AIRE: variants seen among roughly 807,000 people sequenced by gnomAD.
AIRE encodes autoimmune regulator.
Under a neutral mutation model 62.1 loss-of-function variants are expected in AIRE, and 52 were observed. The ratio of observed to expected loss-of-function variants is 0.84; its 90% CI spans 0.67 to 1.06. The LOEUF (loss-of-function observed/expected upper bound fraction) is 1.06, where lower values mean the gene tolerates loss of function less well. Ranked by LOEUF, AIRE falls within the 50% of genes least tolerant of loss-of-function variation. The pLI, the probability that AIRE is intolerant of heterozygous loss-of-function variation, is 0.00. For missense variants in AIRE, 774 were observed against 755.8 expected, an observed-to-expected ratio of 1.02 and a Z score of -0.28; for synonymous variants, 342 against 321.6, an observed-to-expected ratio of 1.06 and a Z score of -0.68.
Position 44,297,830 on chromosome 21 carries a change from C to A in AIRE, c.*103C>A. On this transcript the variant is annotated 3_prime_UTR_variant, in exon 14 of 14. Coordinates refer to ENST00000291582, the MANE Select transcript of AIRE (RefSeq NM_000383.4). The surrounding 1 kb of genome is among the most constrained non-coding windows in gnomAD (Gnocchi z 4.8). ...CCGGCTGGGATCAAGAAGGGGACAG[C>A]GCCACCTCTTGTCAGTGCTCGGCTG... The A allele has an allele frequency of 1.8e-6, 2 of 1,091,702 alleles. No individual in the cohort carries two copies. Among genetic ancestry groups the A allele is most frequent in the Non-Finnish European group, 2.7e-6 (2 of 736,320 alleles). 67.6% of individuals were successfully genotyped at this position (1,091,702 alleles called of 1,614,324 possible). A position where few individuals can be genotyped will look rare whatever the true frequency, so the allele number is the denominator to read the frequency against.
intron 7 of AIRE, chr21:44,290,451 T>TG (rs146517804): frequency 0.016 from 15,932 of 984,722 alleles, 212 homozygotes; most frequent in African/African-American, 0.057. Context: ...AGAAGCAGTG[T>TG]GGGGGGTGCC....
chr21:44,295,358 T>C (rs1212223341), intron 12 of AIRE, among the ~76,000 whole-genome samples: 1 of 152,176 alleles, frequency 6.6e-6, no homozygotes, highest in Non-Finnish European at 1.5e-5. Context: ...GCATGCAGGC[T>C]CTGGCCTGGC....
At position 44,286,281 on chromosome 21, in the gene AIRE, G is replaced by T; in HGVS notation, c.132+143G>T. 3 of 1,018,310 alleles carry T rather than the reference G, an allele frequency of 2.9e-6. No individual in the cohort carries two copies. The highest frequency in any genetic ancestry group is 4.3e-6 in the Non-Finnish European group (3 of 695,304). 63.1% of individuals were successfully genotyped at this position (1,018,310 alleles called of 1,614,324 possible). A position where few individuals can be genotyped will look rare whatever the true frequency, so the allele number is the denominator to read the frequency against. ...ACTCCCTCCCCACAAGGAGCCAGGGGCGTCCCTGATGACAAGTTAGAAGTT... is the reference window on the plus strand; with the variant it reads ...ACTCCCTCCCCACAAGGAGCCAGGGTCGTCCCTGATGACAAGTTAGAAGTT... On this transcript the variant is annotated intron_variant, in intron 1 of 13. Transcript: ENST00000291582. This position sits in a 1 kb window ranked among gnomAD's most constrained non-coding sequence, Gnocchi z 6.0.
At chr21:44,292,168 C>G in intron 8 of AIRE, 134 bp from the exon 9 acceptor site, 1 of 761,950 alleles carries the variant, frequency 1.3e-6, no homozygotes, top group Non-Finnish European at 2.3e-6. Flanking sequence ...TGTCTCTGCC[C>G]ATCTCTCTGC....
rs1237111503 is a variant in AIRE at position 44,286,058 on chromosome 21, A to G, written c.52A>G (p.Ile18Val). 6.5e-7 allele frequency: 1 copy of G among 1,541,526 alleles called. No homozygotes were observed. Among genetic ancestry groups the G allele is most frequent in the Admixed American group, 2.0e-5 (1 of 50,966 alleles). ...GCTTCTGAGGCTGCACCGCACGGAG[A>G]TCGCGGTGGCCGTGGACAGCGCCTT... ...RRLLRLHRTEIAVAVDSAFPL... is the reference protein window; with the variant it reads ...RRLLRLHRTEVAVAVDSAFPL... The change falls in exon 1 of 14, where the codon ATC becomes GTC. Residue 18 changes from isoleucine to valine, a missense_variant. By Grantham distance (29) the Ile-to-Val change is conservative. Transcript: ENST00000291582. This position sits in a 1 kb window ranked among gnomAD's most constrained non-coding sequence, Gnocchi z 6.0.
At chr21:44,294,868 A>G (rs530125277) in intron 12 of AIRE, among the ~76,000 whole-genome samples, 58 of 152,058 alleles carry the variant, frequency 3.8e-4, no homozygotes, top group African/African-American at 1.3e-3. Flanking sequence ...TGACCCCTCC[A>G]GGTTGTCTCA....
intron 12 of AIRE, among the ~76,000 whole-genome samples, chr21:44,295,227 CA>C (rs2040593680): frequency 6.6e-6 from 1 of 152,230 alleles, no homozygotes; most frequent in African/African-American, 2.4e-5. Context: ...TGCTCTTTCC[CA>C]GCTGTGCCTC....
rs1377811874 is a variant in AIRE, at chr21:44,286,514, T to C, written c.133-43T>C. On this transcript the variant is annotated intron_variant, in intron 1 of 13. Coordinates refer to ENST00000291582, the MANE Select transcript of AIRE (RefSeq NM_000383.4). The surrounding 1 kb of genome is among the most constrained non-coding windows in gnomAD (Gnocchi z 6.0). ...TGATGGAGATGGGCAGGCCGCAGGG[T>C]GTGGGGGACCATGGCAGGGACCCTC... The C allele has an allele frequency of 6.3e-7, 1 of 1,582,858 alleles. No individual in the cohort carries two copies. The highest frequency in any genetic ancestry group is 8.6e-7 in the Non-Finnish European group (1 of 1,159,090).
At chr21:44,290,981 G>C (rs2146380751) in intron 7 of AIRE, 114 bp from the exon 8 acceptor site, 1 of 1,613,212 alleles carries the variant, frequency 6.2e-7, no homozygotes, top group South Asian at 1.1e-5. Context: ...GCAGAGACTG[G>C]GGAGTTCAGG....
At position 44,286,651 on chromosome 21, in the gene AIRE, A is replaced by C; in HGVS notation, c.227A>C (p.Asp76Ala). Residue 76 changes from aspartate to alanine, a missense_variant, in exon 2 of 14, where the codon GAC (aspartate) becomes GCC (alanine). By Grantham distance (126) the Asp-to-Ala change is moderately radical (BLOSUM62 -2). Around this residue, in one of 3 missense-constraint regions of AIRE, gnomAD observed 385 missense variants for 396.0 expected, o/e 0.97. Transcript: ENST00000291582. This position sits in a 1 kb window ranked among gnomAD's most constrained non-coding sequence, Gnocchi z 6.0. ...LLTQDSTAILDFWRVLFKDYN... is the reference protein window; with the variant it reads ...LLTQDSTAILAFWRVLFKDYN... ...ACCCAGGACTCCACAGCCATCCTGG[A>C]CTTCTGGAGGGTGCTGTTCAAGGAC... is the stretch of plus-strand genomic sequence containing the variant. 1.2e-6 allele frequency: 2 copies of C among 1,612,990 alleles called. No individual in the cohort carries two copies. Among genetic ancestry groups the C allele is most frequent in the Non-Finnish European group, 1.7e-6 (2 of 1,179,986 alleles).
Position 44,297,937 on chromosome 21 carries a change from C to G in AIRE, c.*210C>G. 1.7e-6 allele frequency: 1 copy of G among 580,142 alleles called. No individual in the cohort carries two copies. The highest frequency in any genetic ancestry group is 2.9e-5 in the East Asian group (1 of 33,932). 35.9% of individuals were successfully genotyped at this position (580,142 alleles called of 1,614,324 possible). ...TGCCCCACTTCTCTACTCTGGAAGT[C>G]CCCGGGAGCCTCTCCTTGCCTGGTG... On this transcript the variant is annotated 3_prime_UTR_variant, in exon 14 of 14. Coordinates refer to ENST00000291582, the MANE Select transcript of AIRE (RefSeq NM_000383.4). The surrounding 1 kb of genome is among the most constrained non-coding windows in gnomAD (Gnocchi z 4.8).
intron 12 of AIRE, 108 bp from the exon 13 acceptor site, chr21:44,296,275 C>A: frequency 9.8e-7 from 1 of 1,016,754 alleles, no homozygotes; most frequent in Non-Finnish European, 1.6e-6. Flanking sequence ...TAAGAATTCC[C>A]ATCTCAGTGT....
intron 10 of AIRE, among the ~76,000 whole-genome samples, chr21:44,293,403 G>A (rs555869546): frequency 6.6e-6 from 1 of 152,192 alleles, no homozygotes; most frequent in South Asian, 2.1e-4. Flanking sequence ...CCACAAGGCA[G>A]GACAATGAAG....
In AIRE at chr21:44,286,145, T is replaced by TACC; in HGVS notation, c.132+7_132+8insACC. ...CCCCGAGGACAAGTTTCAGGTGGGC[T>TACC]CCCCGCCCGCCCCCCGCTGCCCCCA... is the stretch of plus-strand genomic sequence containing the variant. On this transcript the variant is annotated splice_region_variant and intron_variant, in intron 1 of 13. Coordinates refer to ENST00000291582, the MANE Select transcript of AIRE (RefSeq NM_000383.4). The surrounding 1 kb of genome is among the most constrained non-coding windows in gnomAD (Gnocchi z 6.0). 6.5e-7 allele frequency: 1 copy of TACC among 1,545,190 alleles called. No individual in the cohort carries two copies. The highest frequency in any genetic ancestry group is 8.7e-7 in the Non-Finnish European group (1 of 1,145,790).
In AIRE at chr21:44,288,465, G is replaced by C. The variant is rs373277723; in HGVS notation, c.652+7G>C. On this transcript the variant is annotated splice_region_variant and intron_variant, in intron 5 of 13. Coordinates refer to ENST00000291582, the MANE Select transcript of AIRE (RefSeq NM_000383.4). ...CAGCAGGTGTTTGAGTCAGGTAGAC[G>C]CTGTGGCGGGGAGATGGGGCTGATG... 3.2e-6 allele frequency: 5 copies of C among 1,580,424 alleles called. No homozygotes were observed. In the South Asian group the frequency reaches 4.4e-5, roughly 14 times the overall value.
rs1484173982 is a variant in AIRE at position 44,297,747 on chromosome 21, G to A, written c.*20G>A. The A allele has an allele frequency of 6.2e-7, 1 of 1,601,318 alleles. No homozygotes were observed. Among genetic ancestry groups the A allele is most frequent in the Non-Finnish European group, 8.5e-7 (1 of 1,169,976 alleles). ...TCCTGACCCCAGATGGCCGGGACAT[G>A]CAGCTCTGATGAGAGAGTGCTGAGA... On this transcript the variant is annotated 3_prime_UTR_variant, in exon 14 of 14. Coordinates refer to ENST00000291582, the MANE Select transcript of AIRE (RefSeq NM_000383.4). The surrounding 1 kb of genome is among the most constrained non-coding windows in gnomAD (Gnocchi z 4.8).
At position 44,287,206 on chromosome 21, in the gene AIRE, C is replaced by T; in HGVS notation, c.463+73C>T. On this transcript the variant is annotated intron_variant, in intron 3 of 13. Transcript: ENST00000291582. The surrounding 1 kb of genome is among the most constrained non-coding windows in gnomAD (Gnocchi z 4.3). ...GCTTCCCCGGGAGCCCACGCCCCCT[C>T]CCCACCCGGGCTCCCACCCACTGGG... 1 of 1,572,618 alleles carries T rather than the reference C, an allele frequency of 6.4e-7. No homozygotes were observed.
Position 44,297,835 on chromosome 21 carries a change from C to T in AIRE, c.*108C>T. 1 of 1,060,340 alleles carries T rather than the reference C, an allele frequency of 9.4e-7. No individual in the cohort carries two copies. The highest frequency in any genetic ancestry group is 2.6e-5 in the East Asian group (1 of 38,766). The allele number at this position is 1,060,340 out of a possible 1,614,324, so 65.7% of individuals were successfully genotyped here. On this transcript the variant is annotated 3_prime_UTR_variant, in exon 14 of 14. Transcript: ENST00000291582. This position sits in a 1 kb window ranked among gnomAD's most constrained non-coding sequence, Gnocchi z 4.8. ...TGGGATCAAGAAGGGGACAGCGCCA[C>T]CTCTTGTCAGTGCTCGGCTGTAAAC...
intron 10 of AIRE, 44 bp downstream of exon 10, chr21:44,293,219 A>C: frequency 6.7e-7 from 1 of 1,485,746 alleles, no homozygotes; most frequent in Non-Finnish European, 9.0e-7. Flanking sequence ...CAAGGAGCCC[A>C]GGACCTACGG....
Sources: gnomAD v4.1 joint callset for allele counts (sites outside exome capture counted in the v4.1 genomes callset) on GRCh38, gnomAD v4.1.1 for gene constraint, gnomAD v4.1.1 regional missense constraint, Gnocchi (gnomAD v3.1) non-coding constraint, MANE v1.5 for transcripts, NCBI Gene and HGNC (gene_info 2026-07-23, HGNC 2026-07-21) for gene names.